The following PIK3C2G variants were observed in gnomAD, a reference collection of about 807,000 sequenced individuals.
PIK3C2G encodes the protein phosphatidylinositol-4-phosphate 3-kinase catalytic subunit type 2 gamma.
In PIK3C2G, 168 loss-of-function variants were observed where a neutral mutation model predicts 181.1. The observed-to-expected ratio is 0.93, with a 90% CI of 0.82 to 1.05. PIK3C2G has a LOEUF of 1.05. PIK3C2G is among the 50% of genes least tolerant of loss of function. The pLI, the probability that PIK3C2G is intolerant of heterozygous loss-of-function variation, is 0.00. For synonymous variants in PIK3C2G, 573 were observed against 592.2 expected, an observed-to-expected ratio of 0.97 and a Z score of 0.47; for missense variants, 1,869 against 1,732.8, an observed-to-expected ratio of 1.08 and a Z score of -1.40.
At chr12:18,590,600 A>G (rs1947028215) in intron 29 of PIK3C2G, among the ~76,000 whole-genome samples, 1 of 151,884 alleles carries the variant, frequency 6.6e-6, no homozygotes, top group South Asian at 2.1e-4. Context: ...TAATGAGAGC[A>G]AATGTAGCAC....
chr12:18,361,025 G>A (rs1357373876), intron 11 of PIK3C2G, among the ~76,000 whole-genome samples: 3 of 151,618 alleles, frequency 2.0e-5, no homozygotes, highest in Admixed American at 2.0e-4. Flanking sequence ...TATATTGGCC[G>A]GCTTGACGGT....
chr12:18,530,324 T>A (rs913628294), intron 24 of PIK3C2G, among the ~76,000 whole-genome samples: 1 of 152,186 alleles, frequency 6.6e-6, no homozygotes, highest in South Asian at 2.1e-4. Context: ...CCTCCTACCT[T>A]CTGATGAACA....
intron 1 of PIK3C2G, among the ~76,000 whole-genome samples, chr12:18,274,736 T>C (rs1420928209): frequency 2.0e-5 from 3 of 152,068 alleles, no homozygotes; most frequent in Non-Finnish European, 4.4e-5. Context: ...CACACCAACA[T>C]GGCACATGTA....
chr12:18,616,541 CTTTTAT>C (rs2136640205), intron 31 of PIK3C2G, among the ~76,000 whole-genome samples: 1 of 152,142 alleles, frequency 6.6e-6, no homozygotes, highest in South Asian at 2.1e-4. Context: ...TTGTTGAAGG[CTTTTAT>C]TTTTAATGTT....
At chr12:18,483,013 G>C (rs74477547) in intron 18 of PIK3C2G, among the ~76,000 whole-genome samples, 5,938 of 152,234 alleles carry the variant, frequency 0.039, 160 homozygotes, top group East Asian at 0.074. Flanking sequence ...TGAAATATAG[G>C]ATAACTATTA....
At chr12:18,618,919 T>C (rs1948722685) in intron 31 of PIK3C2G, among the ~76,000 whole-genome samples, 1 of 151,922 alleles carries the variant, frequency 6.6e-6, no homozygotes, top group Non-Finnish European at 1.5e-5. Flanking sequence ...GGAAAAAAGA[T>C]TGAAATAAAA....
intron 18 of PIK3C2G, among the ~76,000 whole-genome samples, chr12:18,449,598 GCTT>G (rs1365512006): frequency 3.9e-5 from 6 of 152,112 alleles, no homozygotes; most frequent in Non-Finnish European, 8.8e-5. Context: ...ATGGTTTCCA[GCTT>G]CGTCCATGTT....
At chr12:18,597,194 A>G (rs1011507024) in intron 30 of PIK3C2G, among the ~76,000 whole-genome samples, 2 of 152,094 alleles carry the variant, frequency 1.3e-5, no homozygotes, top group Non-Finnish European at 2.9e-5. Context: ...ACCGAGAAAA[A>G]TCGCAACATT....
At chr12:18,506,450 T>C (rs1941844373) in intron 24 of PIK3C2G, among the ~76,000 whole-genome samples, 1 of 152,122 alleles carries the variant, frequency 6.6e-6, no homozygotes. Context: ...TGCAATAAAG[T>C]GAGACCAGTA....
intron 28 of PIK3C2G, among the ~76,000 whole-genome samples, chr12:18,565,341 C>T (rs545429449): frequency 2.8e-4 from 42 of 152,134 alleles, no homozygotes; most frequent in Non-Finnish European, 5.6e-4. Context: ...CAGGGGTACA[C>T]GACATGAAAA....
chr12:18,376,105 G>A (rs1017923289), intron 13 of PIK3C2G, among the ~76,000 whole-genome samples: 7 of 152,182 alleles, frequency 4.6e-5, no homozygotes, highest in African/African-American at 1.4e-4. Flanking sequence ...TCCTCACAGA[G>A]TCCTTACTGG....
At chr12:18,408,181 G>C (rs534530721) in intron 16 of PIK3C2G, among the ~76,000 whole-genome samples, 174 of 152,194 alleles carry the variant, frequency 1.1e-3, no homozygotes, top group Admixed American at 3.9e-3. Flanking sequence ...TTCTTCTAGG[G>C]TTTTTATGGT....
chr12:18,369,154 A>G (rs1941849834), intron 12 of PIK3C2G, among the ~76,000 whole-genome samples: 1 of 152,216 alleles, frequency 6.6e-6, no homozygotes, highest in South Asian at 2.1e-4. Context: ...CATGGCCATC[A>G]GGTATCATCC....
At chr12:18,538,048 A>G (rs1592525398) in intron 24 of PIK3C2G, 108 bp from the exon 25 acceptor site, 1 of 1,023,376 alleles carries the variant, frequency 9.8e-7, no homozygotes, top group East Asian at 2.5e-5. Flanking sequence ...ATTACAGTAG[A>G]GAAAAAAAAA....
intron 25 of PIK3C2G, among the ~76,000 whole-genome samples, chr12:18,540,356 C>G (rs1420378621): frequency 1.3e-5 from 2 of 151,734 alleles, no homozygotes; most frequent in African/African-American, 4.8e-5. Flanking sequence ...AAAATAAACC[C>G]AAAACAGAAA....
intron 25 of PIK3C2G, among the ~76,000 whole-genome samples, chr12:18,542,890 G>T (rs898034773): frequency 6.6e-6 from 1 of 151,202 alleles, no homozygotes; most frequent in South Asian, 2.1e-4. Context: ...GTGTCTTTAC[G>T]GTAGAATGAT....
chr12:18,404,749 C>CT (rs1386340969), intron 16 of PIK3C2G, among the ~76,000 whole-genome samples: 3 of 152,152 alleles, frequency 2.0e-5, no homozygotes, highest in African/African-American at 7.2e-5. Context: ...TTTGGGCCTG[C>CT]TGAGCCAGGT....
chr12:18,628,373 A>G (rs1447747347), intron 31 of PIK3C2G, among the ~76,000 whole-genome samples: 1 of 152,190 alleles, frequency 6.6e-6, no homozygotes, highest in Non-Finnish European at 1.5e-5. Flanking sequence ...TTGTTTTTGT[A>G]CTAACATGCT....
chr12:18,502,662 G>A (rs1941571284), intron 22 of PIK3C2G, among the ~76,000 whole-genome samples: 1 of 152,088 alleles, frequency 6.6e-6, no homozygotes. Flanking sequence ...ATGGCCAGCG[G>A]AGCAAAGTTC....
Sources: gnomAD v4.1 joint callset for allele counts (sites outside exome capture counted in the v4.1 genomes callset) on GRCh38, gnomAD v4.1.1 for gene constraint, MANE v1.5 for transcripts, NCBI Gene and HGNC (gene_info 2026-07-23, HGNC 2026-07-21) for gene names.